The following FOXO3 variants were observed in gnomAD, a reference collection of about 807,000 sequenced individuals.
FOXO3 encodes forkhead box O3, also known as forkhead box protein O3.
A neutral mutation model predicts 41.9 loss-of-function variants in FOXO3; 4 were observed. The observed-to-expected ratio is 0.10, with a 90% CI of 0.05 to 0.22. The LOEUF (loss-of-function observed/expected upper bound fraction) is 0.22. Ranked by LOEUF, FOXO3 falls within the 10% of genes least tolerant of loss-of-function variation. The pLI, the probability that FOXO3 is intolerant of heterozygous loss-of-function variation, is 1.00. For missense variants in FOXO3, 534 were observed against 906.8 expected (o/e 0.59, Z 5.28); for synonymous variants, 318 against 389.3 (o/e 0.82, Z 2.16).
At chr6:108,560,158 C>T (rs920869418), upstream of FOXO3, 12 of 152,392 alleles carry the variant, frequency 7.9e-5, no homozygotes, top group Non-Finnish European at 1.5e-4. Context: ...TTTTAAAGGA[C>T]TCGGGAAGGG....
intron 1 of FOXO3, among the ~76,000 whole-genome samples, chr6:108,597,462 T>G (rs1246663781): frequency 6.6e-6 from 1 of 152,224 alleles, no homozygotes; most frequent in African/African-American, 2.4e-5. Flanking sequence ...ACAGAATGAT[T>G]GTGCTTTTTT....
At chr6:108,606,020 T>C (rs906462248) in intron 1 of FOXO3, among the ~76,000 whole-genome samples, 9 of 152,258 alleles carry the variant, frequency 5.9e-5, no homozygotes, top group Admixed American at 5.9e-4. Flanking sequence ...GAGGTTTTTA[T>C]GTAAGAGTTA....
rs145732163 is a variant in FOXO3 at position 108,640,029 on chromosome 6, C to G, written c.622-23426C>G. On this transcript the variant is annotated intron_variant, in intron 1 of 2. Coordinates refer to ENST00000406360, the MANE Select transcript of FOXO3 (RefSeq NM_001455.4). Reference sequence around the variant, plus strand: ...CAGTAAAACATCGCATAAAAGACAGCTCTGTTTTTAAACATGGAGCACCTG... The same window carrying G: ...CAGTAAAACATCGCATAAAAGACAGGTCTGTTTTTAAACATGGAGCACCTG... 8.7e-4 allele frequency among the ~76,000 whole-genome samples: 132 copies of G among 152,290 alleles called. 1 individual carries two copies. In the South Asian group the frequency reaches 8.7e-3, roughly 10 times the overall value.
At chr6:108,577,907 A>T (rs1295800162) in intron 1 of FOXO3, among the ~76,000 whole-genome samples, 12 of 152,164 alleles carry the variant, frequency 7.9e-5, no homozygotes, top group Admixed American at 7.9e-4. Flanking sequence ...ATATAAATGC[A>T]TGTGATGTCT....
At chr6:108,625,673 T>G (rs1355639317) in intron 1 of FOXO3, among the ~76,000 whole-genome samples, 1 of 152,142 alleles carries the variant, frequency 6.6e-6, no homozygotes, top group Non-Finnish European at 1.5e-5. Flanking sequence ...AGACCTCTCT[T>G]GGAAGGATGC....
chr6:108,635,847 G>T (rs1325889180), intron 1 of FOXO3, among the ~76,000 whole-genome samples: 1 of 152,252 alleles, frequency 6.6e-6, no homozygotes, highest in Non-Finnish European at 1.5e-5. Context: ...CTGTCAGAGG[G>T]ATTGGGCTGG....
intron 1 of FOXO3, among the ~76,000 whole-genome samples, chr6:108,617,054 G>T (rs1777535925): frequency 6.6e-6 from 1 of 152,110 alleles, no homozygotes; most frequent in Non-Finnish European, 1.5e-5. Flanking sequence ...ATTGTTTCCA[G>T]TTTTTAGCTA....
At chr6:108,580,330 A>G (rs1030247752) in intron 1 of FOXO3, among the ~76,000 whole-genome samples, 2 of 151,796 alleles carry the variant, frequency 1.3e-5, no homozygotes, top group Non-Finnish European at 2.9e-5. Flanking sequence ...CTGGGATTAC[A>G]GGTGCCCACC....
intron 1 of FOXO3, among the ~76,000 whole-genome samples, chr6:108,583,287 A>G (rs1776481688): frequency 6.6e-6 from 1 of 152,224 alleles, no homozygotes; most frequent in Non-Finnish European, 1.5e-5. Context: ...TATGGGAGAC[A>G]ACAGGCAGCC....
At chr6:108,641,700 C>CT (rs1450364495) in intron 1 of FOXO3, among the ~76,000 whole-genome samples, 1 of 152,006 alleles carries the variant, frequency 6.6e-6, no homozygotes, top group Non-Finnish European at 1.5e-5. Flanking sequence ...CATGTGAGGA[C>CT]TGCAGAATAC....
At chr6:108,645,174 G>A (rs974348883) in intron 1 of FOXO3, among the ~76,000 whole-genome samples, 3 of 152,060 alleles carry the variant, frequency 2.0e-5, no homozygotes, top group Admixed American at 1.3e-4. Context: ...TGTTCATTTC[G>A]TGTTACTCCA....
chr6:108,682,092 C>T lies in FOXO3; in HGVS notation c.*2300C>T, dbSNP rs1323395089. 6.6e-6 allele frequency: 1 copy of T among 152,542 alleles called. No homozygotes were observed. The highest frequency in any genetic ancestry group is 2.4e-5 in the African/African-American group (1 of 41,444). 9.4% of individuals were successfully genotyped at this position (152,542 alleles called of 1,614,324 possible). Reference sequence around the variant, plus strand: ...TCAGAGAAACATGCAAAGTGACTAACAAAATAGCTACTTACCTTTGCAGTT... The same window carrying T: ...TCAGAGAAACATGCAAAGTGACTAATAAAATAGCTACTTACCTTTGCAGTT... On this transcript the variant is annotated 3_prime_UTR_variant, in exon 3 of 3. Transcript: ENST00000406360.
chr6:108,654,065 A>G (rs552351987), intron 1 of FOXO3, among the ~76,000 whole-genome samples: 21 of 152,286 alleles, frequency 1.4e-4, no homozygotes, highest in African/African-American at 5.1e-4. Flanking sequence ...CGCTGACTGC[A>G]CGCCTTTAGA....
chr6:108,607,732 T>C (rs1777247306), intron 1 of FOXO3, among the ~76,000 whole-genome samples: 1 of 152,188 alleles, frequency 6.6e-6, no homozygotes, highest in Admixed American at 6.5e-5. Flanking sequence ...GACTTGCAGA[T>C]TATATTCTTT....
At chr6:108,602,690 TA>T (rs1375799333) in intron 1 of FOXO3, among the ~76,000 whole-genome samples, 37 of 152,314 alleles carry the variant, frequency 2.4e-4, no homozygotes, top group African/African-American at 7.9e-4. Context: ...TAACAAAGGT[TA>T]TTTTTTTATA....
intron 1 of FOXO3, among the ~76,000 whole-genome samples, chr6:108,574,589 G>A (rs57099886): frequency 0.093 from 14,127 of 152,228 alleles, 924 homozygotes; most frequent in South Asian, 0.22. Context: ...TCTCTTTGCA[G>A]TGCAGTTACT....
intron 1 of FOXO3, among the ~76,000 whole-genome samples, chr6:108,596,700 C>G (rs1776896514): frequency 6.6e-6 from 1 of 152,104 alleles, no homozygotes; most frequent in Non-Finnish European, 1.5e-5. Flanking sequence ...TAATTACACA[C>G]TGTGTTTAAA....
chr6:108,644,925 C>T (rs181692564), intron 1 of FOXO3, among the ~76,000 whole-genome samples: 39 of 152,276 alleles, frequency 2.6e-4, no homozygotes, highest in Admixed American at 8.5e-4. Flanking sequence ...TCTCACTCCA[C>T]AAAATTATAA....
At chr6:108,620,428 A>C (rs1387461518) in intron 1 of FOXO3, among the ~76,000 whole-genome samples, 1 of 152,168 alleles carries the variant, frequency 6.6e-6, no homozygotes, top group African/African-American at 2.4e-5. Context: ...TGGGATGCAG[A>C]AGTTTCTCCC....
Sources: allele counts gnomAD v4.1 joint callset (sites outside exome capture counted in the v4.1 genomes callset), GRCh38; gene constraint gnomAD v4.1.1; transcripts MANE v1.5; gene names NCBI Gene and HGNC (gene_info 2026-07-23, HGNC 2026-07-21).